Variants in SHC2 observed in about 807,000 individuals in gnomAD.
SHC2 encodes the protein SHC-transforming protein 2.
A neutral mutation model predicts 60.6 loss-of-function variants in SHC2; 62 were observed. That is an observed-to-expected ratio of 1.02 (90% CI 0.83 to 1.26). The LOEUF (loss-of-function observed/expected upper bound fraction) is 1.26, where lower values mean the gene tolerates loss of function less well. Ranked by LOEUF, SHC2 falls within the 50% of genes most tolerant of loss-of-function variation. The pLI is 0.00. For synonymous variants in SHC2, 375 were observed against 372.4 expected (o/e 1.01, Z -0.08); for missense variants, 873 against 822.2 (o/e 1.06, Z -0.76).
In SHC2 at chr19:424,185, GGA is replaced by G. The variant is rs1239912203; in HGVS notation, c.1309+910_1309+911del. Among the ~76,000 whole-genome samples the G allele has an allele frequency of 6.6e-6, 1 of 152,180 alleles. No homozygotes were observed. Among genetic ancestry groups the G allele is most frequent in the Non-Finnish European group, 1.5e-5 (1 of 68,034 alleles). On this transcript the variant is annotated intron_variant, in intron 10 of 12. Coordinates refer to ENST00000264554, the MANE Select transcript of SHC2 (RefSeq NM_012435.3). The surrounding 1 kb of genome is among the most constrained non-coding windows in gnomAD (Gnocchi z 4.5). ...GCAGAGTCGAGGCTGCAGGAAATCA[GGA>G]GAGAACTCTGGACACCTCAGCCAAG...
rs189772296 is a variant in SHC2 at position 441,790 on chromosome 19, C to T, written c.469-858G>A. On this transcript the variant is annotated intron_variant, in intron 1 of 12. Transcript: ENST00000264554. This position sits in a 1 kb window ranked among gnomAD's most constrained non-coding sequence, Gnocchi z 4.9. ...AAATGCTACTGAACTGTGAAAAATG[C>T]AACATGCAAAATGATGAATAACGTT... is the stretch of plus-strand genomic sequence containing the variant. Among the ~76,000 whole-genome samples, 8 of 152,374 alleles carry T rather than the reference C, an allele frequency of 5.3e-5. No individual in the cohort carries two copies. Among genetic ancestry groups the T allele is most frequent in the African/African-American group, 1.9e-4 (8 of 41,580 alleles).
intron 8 of SHC2, among the ~76,000 whole-genome samples, chr19:431,287 T>C (rs1974583892): frequency 6.6e-6 from 1 of 150,640 alleles, no homozygotes; most frequent in Admixed American, 6.6e-5. Flanking sequence ...TCATCGTGAG[T>C]GAGATCGTGA....
chr19:418,924 T>C lies in SHC2; in HGVS notation c.*4A>G. The C allele has an allele frequency of 6.3e-7, 1 of 1,581,690 alleles. No individual in the cohort carries two copies. The highest frequency in any genetic ancestry group is 8.6e-7 in the Non-Finnish European group (1 of 1,160,622). The stretch of plus-strand genomic sequence containing the variant: ...CGACCCACGGCGGCAGCCACACACC[T>C]GGCTCAGGGCTCCCGTGAGACCACG... On this transcript the variant is annotated splice_region_variant and 3_prime_UTR_variant, in exon 12 of 13. Transcript: ENST00000264554.
intron 9 of SHC2, among the ~76,000 whole-genome samples, chr19:427,315 G>A (rs931513832): frequency 6.6e-6 from 1 of 152,250 alleles, no homozygotes; most frequent in Non-Finnish European, 1.5e-5. Context: ...ACGTGATTAA[G>A]GCCGGCGCTC....
intron 9 of SHC2, among the ~76,000 whole-genome samples, chr19:429,478 A>G (rs1359243198): frequency 1.3e-5 from 2 of 149,490 alleles, no homozygotes; most frequent in African/African-American, 2.5e-5. Context: ...TACCGTGTGG[A>G]TGACGCAGTA....
chr19:448,770 G>A lies in SHC2; in HGVS notation c.469-7838C>T, dbSNP rs1600316667. 3.3e-5 allele frequency among the ~76,000 whole-genome samples: 5 copies of A among 152,216 alleles called. No homozygotes were observed. In the East Asian group the frequency reaches 9.7e-4, roughly 29 times the overall value. On this transcript the variant is annotated intron_variant, in intron 1 of 12. Transcript: ENST00000264554. Reference sequence around the variant, plus strand: ...AACACCAGGCAGACACAAACTGAGGGACGGCAGCCCAGCAGCCGGTGTGCA... The same window carrying A: ...AACACCAGGCAGACACAAACTGAGGAACGGCAGCCCAGCAGCCGGTGTGCA...
At position 425,219 on chromosome 19, in the gene SHC2, T is replaced by C; in HGVS notation, c.1187A>G (p.Asp396Gly). The C allele has an allele frequency of 7.5e-7, 1 of 1,333,426 alleles. No homozygotes were observed. The highest frequency in any genetic ancestry group is 9.7e-7 in the Non-Finnish European group (1 of 1,032,446). 82.6% of individuals were successfully genotyped at this position (1,333,426 alleles called of 1,614,324 possible). A position where few individuals can be genotyped will look rare whatever the true frequency, so the allele number is the denominator to read the frequency against. The change falls in exon 10 of 13, where the codon GAC (aspartate) becomes GGC (glycine). Residue 396 changes from aspartate to glycine, a missense_variant. Transcript: ENST00000264554. The surrounding 1 kb of genome is among the most constrained non-coding windows in gnomAD (Gnocchi z 4.1). ...VGSTGTAPPGDGYVQADARGP... is the reference protein window; with the variant it reads ...VGSTGTAPPGGGYVQADARGP... The stretch of plus-strand genomic sequence containing the variant: ...CCGGGCGTCCGCCTGCACGTAGCCG[T>C]CCCCCGGTGGAGCTGGGGAGTGTAA...
chr19:450,119 C>T (rs753509105), intron 1 of SHC2, among the ~76,000 whole-genome samples: 9 of 152,210 alleles, frequency 5.9e-5, no homozygotes, highest in Non-Finnish European at 8.8e-5. Context: ...GGGGGTGCCG[C>T]GGAAATGTGG....
At chr19:452,125 C>A (rs1278479886) in intron 1 of SHC2, among the ~76,000 whole-genome samples, 2 of 152,198 alleles carry the variant, frequency 1.3e-5, no homozygotes, top group Admixed American at 6.5e-5. Context: ...GGAATCACCA[C>A]CATTGCGTTT....
intron 1 of SHC2, among the ~76,000 whole-genome samples, chr19:457,974 C>A (rs948669746): frequency 4.5e-5 from 6 of 134,830 alleles, no homozygotes; most frequent in Non-Finnish European, 9.2e-5. Flanking sequence ...GAAGCGGGTC[C>A]TGGGGAGGCG....
intron 10 of SHC2, among the ~76,000 whole-genome samples, chr19:423,202 T>TGGGGGCTGAGCCAG (rs1276799315): frequency 3.9e-4 from 11 of 28,458 alleles, no homozygotes; most frequent in African/African-American, 8.0e-4. Context: ...GCCCTGACCC[T>TGGGGGCTGAGCCAG]CACTCCCTGG....
At position 439,040 on chromosome 19, in the gene SHC2, G is replaced by A. The variant is rs771392086; in HGVS notation, c.540-10C>T. ...CCGGTTGATGGCTTCCCTGGGGTTG[G>A]GAGGAGGGGGCTTAGAGAGTGTGGT... On this transcript the variant is annotated splice_polypyrimidine_tract_variant and intron_variant, in intron 2 of 12. Coordinates refer to ENST00000264554, the MANE Select transcript of SHC2 (RefSeq NM_012435.3). The A allele has an allele frequency of 1.9e-5, 30 of 1,579,286 alleles. No homozygotes were observed. Among genetic ancestry groups the A allele is most frequent in the African/African-American group, 1.4e-5 (1 of 73,868 alleles).
At chr19:437,348 T>C (rs1974751321) in intron 4 of SHC2, among the ~76,000 whole-genome samples, 1 of 152,094 alleles carries the variant, frequency 6.6e-6, no homozygotes, top group Admixed American at 6.6e-5. Context: ...GTTTGCATGC[T>C]CATCTGTGTG....
chr19:461,012 A>T lies in SHC2; in HGVS notation c.-16T>A, dbSNP rs1975541066. The T allele has an allele frequency of 1.1e-6, 1 of 883,582 alleles. No individual in the cohort carries two copies. The highest frequency in any genetic ancestry group is 1.4e-6 in the Non-Finnish European group (1 of 738,172). 54.7% of individuals were successfully genotyped at this position (883,582 alleles called of 1,614,324 possible). On this transcript the variant is annotated 5_prime_UTR_variant, in exon 1 of 13. Transcript: ENST00000264554. Reference sequence around the variant, plus strand: ...CCTGCGTCATGGCCGCGGCCGCCCGACGGAGCCCGACCGGGCGCTGCGCCT... The same window carrying T: ...CCTGCGTCATGGCCGCGGCCGCCCGTCGGAGCCCGACCGGGCGCTGCGCCT...
chr19:436,228 G>A lies in SHC2; in HGVS notation c.890C>T (p.Ala297Val). Residue 297 changes from alanine to valine, a missense_variant, in exon 7 of 13, where the codon GCT becomes GTT. Ala to Val is a moderately conservative substitution (Grantham distance 64). Coordinates refer to ENST00000264554, the MANE Select transcript of SHC2 (RefSeq NM_012435.3). ...AQSIISTVGQAFELRFKQYLH... is the reference protein window; with the variant it reads ...AQSIISTVGQVFELRFKQYLH... ...GTACTGCTTGAAGCGCAGCTCGAAA[G>A]CTTGGCCCACGGTGCTGATGATGCT... 6.2e-7 allele frequency: 1 copy of A among 1,602,834 alleles called. No individual in the cohort carries two copies. Among genetic ancestry groups the A allele is most frequent in the South Asian group, 1.1e-5 (1 of 89,214 alleles).
chr19:455,784 C>G (rs1600328456), intron 1 of SHC2, among the ~76,000 whole-genome samples: 1 of 152,116 alleles, frequency 6.6e-6, no homozygotes, highest in African/African-American at 2.4e-5. Context: ...TGGCTGGGGG[C>G]CCCTTCCTCC....
chr19:427,218 G>A (rs892325133), intron 9 of SHC2, among the ~76,000 whole-genome samples: 6 of 152,216 alleles, frequency 3.9e-5, no homozygotes, highest in Non-Finnish European at 7.3e-5. Context: ...ATGTTAGCAA[G>A]GCTGTTAGGA....
chr19:417,555 C>T (rs904575040), intron 12 of SHC2, among the ~76,000 whole-genome samples: 4 of 152,232 alleles, frequency 2.6e-5, no homozygotes, highest in African/African-American at 4.8e-5. Flanking sequence ...CGCGTGCAAG[C>T]AAGAATGCCG....
intron 9 of SHC2, among the ~76,000 whole-genome samples, chr19:427,525 A>G (rs1442527967): frequency 2.1e-5 from 3 of 144,936 alleles, no homozygotes. Flanking sequence ...CGCACGGCAC[A>G]GGGAAGGGGA....
Sources: allele counts gnomAD v4.1 joint callset (sites outside exome capture counted in the v4.1 genomes callset), GRCh38; gene constraint gnomAD v4.1.1; non-coding constraint Gnocchi (gnomAD v3.1); transcripts MANE v1.5; gene names NCBI Gene and HGNC (gene_info 2026-07-23, HGNC 2026-07-21).